Variants in TNRC6A observed in about 807,000 individuals in gnomAD.
TNRC6A encodes trinucleotide repeat-containing gene 6A protein.
A neutral mutation model predicts 221.2 loss-of-function variants in TNRC6A; 44 were observed. The observed-to-expected ratio is 0.20, with a 90% CI of 0.16 to 0.26. The LOEUF is 0.26. Among genes scored for constraint, TNRC6A ranks in the 10% least tolerant of loss-of-function variants. The pLI, the probability that TNRC6A is intolerant of heterozygous loss-of-function variation, is 1.00. For synonymous variants in TNRC6A, 847 were observed against 838.5 expected, an observed-to-expected ratio of 1.01 and a Z score of -0.18; for missense variants, 2,199 against 2,404.4, an observed-to-expected ratio of 0.91 and a Z score of 1.79.
intron 2 of TNRC6A, among the ~76,000 whole-genome samples, chr16:24,672,276 C>T (rs1235491528): frequency 6.6e-6 from 1 of 152,060 alleles, no homozygotes; most frequent in Non-Finnish European, 1.5e-5. Context: ...CGCACGCCGC[C>T]ACGCCTGGCT....
chr16:24,629,806 A>G (rs1416993140), intron 1 of TNRC6A, among the ~76,000 whole-genome samples: 1 of 151,944 alleles, frequency 6.6e-6, no homozygotes, highest in Non-Finnish European at 1.5e-5. Context: ...CTGACTCTAT[A>G]AAAAAGTACA....
intron 4 of TNRC6A, among the ~76,000 whole-genome samples, chr16:24,759,442 G>A (rs992304481): frequency 1.1e-4 from 16 of 152,152 alleles, no homozygotes; most frequent in African/African-American, 3.9e-4. Flanking sequence ...GGAAAGTATT[G>A]GTTGGAAGAC....
At chr16:24,771,611 T>TATGTTATGTG (rs1567449653) in intron 4 of TNRC6A, among the ~76,000 whole-genome samples, 18 of 143,876 alleles carry the variant, frequency 1.3e-4, no homozygotes, top group Non-Finnish European at 2.4e-4. Context: ...TATGTTATGT[T>TATGTTATGTG]ATGTTATGTT....
In TNRC6A at chr16:24,789,546, A is replaced by G; in HGVS notation, c.904A>G (p.Asn302Asp). 1 of 1,614,170 alleles carries G rather than the reference A, an allele frequency of 6.2e-7. No homozygotes were observed. The highest frequency in any genetic ancestry group is 1.3e-5 in the African/African-American group (1 of 75,060). Residue 302 changes from asparagine to aspartate, a missense_variant, in exon 6 of 25, where the codon AAT (asparagine) becomes GAT (aspartate). Coordinates refer to ENST00000395799, the MANE Select transcript of TNRC6A (RefSeq NM_014494.4). ...CAAGTTTGTAGTTGGTAGCAGCAGC[A>G]ATAATGTGGGCCATGGAAGTAGTAC... is the stretch of plus-strand genomic sequence containing the variant. ...QNKFVVGSSS[N>D]NVGHGSSTGP...
Position 24,771,582 on chromosome 16 carries a change from T to TTATGTTATGTTA in TNRC6A, c.164-5350_164-5349insATGTTATGTTAT. Among the ~76,000 whole-genome samples the TTATGTTATGTTA allele has an allele frequency of 6.0e-3, 573 of 95,444 alleles. 22 individuals are homozygous for TTATGTTATGTTA. The East Asian group carries it at 0.064, about 11-fold the overall frequency. 62.6% of individuals were successfully genotyped at this position (95,444 alleles called of 152,430 possible). ...ATGTTTTATGTTATGTTATGTTATG[T>TTATGTTATGTTA]TGTTATGTTATGTTATGTTATGTTA... On this transcript the variant is annotated intron_variant, in intron 4 of 24. Coordinates refer to ENST00000395799, the MANE Select transcript of TNRC6A (RefSeq NM_014494.4).
intron 17 of TNRC6A, among the ~76,000 whole-genome samples, chr16:24,808,610 C>T (rs183358394): frequency 2.0e-5 from 3 of 152,324 alleles, no homozygotes; most frequent in East Asian, 1.9e-4. Context: ...TGCAAAAATA[C>T]GCATGGTATT....
intron 2 of TNRC6A, 111 bp from the exon 3 acceptor site, chr16:24,750,615 A>C: frequency 8.0e-7 from 1 of 1,254,990 alleles, no homozygotes; most frequent in Non-Finnish European, 1.1e-6. Context: ...ATAAAATAAT[A>C]ATTTGCCATG....
In TNRC6A at chr16:24,713,443, AACAAAC is replaced by A. The variant is rs1442581879; in HGVS notation, n.403-37281_403-37276del. Among the ~76,000 whole-genome samples the A allele has an allele frequency of 2.5e-4, 30 of 121,034 alleles. 1 individual carries two copies. Among genetic ancestry groups the A allele is most frequent in the Admixed American group, 6.6e-4 (7 of 10,582 alleles). The allele number at this position is 121,034 out of a possible 152,430, so 79.4% of individuals were successfully genotyped here. Reference sequence around the variant, plus strand: ...AAACAAACAAACAAACAAACAAACAAACAAACAAAAAAATATATATATATATATGTT... The same window carrying A: ...AAACAAACAAACAAACAAACAAACAAAAAAAAATATATATATATATATGTT... On this transcript the variant is annotated intron_variant and non_coding_transcript_variant, in intron 2 of 2. Coordinates refer to the TNRC6A transcript ENST00000566108.
chr16:24,654,011 C>T (rs1240156150), intron 2 of TNRC6A, among the ~76,000 whole-genome samples: 6 of 152,098 alleles, frequency 3.9e-5, no homozygotes, highest in African/African-American at 1.4e-4. Flanking sequence ...ATCAAGTGAT[C>T]CTTTCACCTC....
rs377599716 is a variant in TNRC6A, at chr16:24,804,300, G to T, written c.3818G>T (p.Arg1273Leu). ...PQISKESSMERNPYFDKDGIV... is the reference protein window; with the variant it reads ...PQISKESSMELNPYFDKDGIV... ...ATTTCCAAAGAGTCTTCCATGGAGCGCAATCCTTATTTTGATAAGGTAAGG... is the reference window on the plus strand; with the variant it reads ...ATTTCCAAAGAGTCTTCCATGGAGCTCAATCCTTATTTTGATAAGGTAAGG... Residue 1273 changes from arginine (R) to leucine (L), a missense_variant, in exon 12 of 25, where the codon CGC becomes CTC. Arg to Leu is a moderately radical substitution (Grantham distance 102). This residue lies in a region of TNRC6A where 158 missense variants were observed against 159.1 expected (regional missense o/e 0.99). Coordinates refer to ENST00000395799, the MANE Select transcript of TNRC6A (RefSeq NM_014494.4). The T allele has an allele frequency of 6.2e-7, 1 of 1,612,456 alleles. No homozygotes were observed. Among genetic ancestry groups the T allele is most frequent in the Non-Finnish European group, 8.5e-7 (1 of 1,179,742 alleles).
Position 24,791,759 on chromosome 16 carries a change from A to C in TNRC6A, c.3117A>C (p.Val1039=). ...GNSRSDQQAQ[V]HQLLTPASAI... is the part of the protein sequence containing the mutation. Reference sequence around the variant, plus strand: ...GCCGTTCAGACCAGCAAGCACAGGTACATCAGCTGCTAACGCCTGCAAGTG... The same window carrying C: ...GCCGTTCAGACCAGCAAGCACAGGTCCATCAGCTGCTAACGCCTGCAAGTG... The change falls in exon 6 of 25, where the codon GTA becomes GTC. Residue 1039 remains valine, a synonymous_variant. Transcript: ENST00000395799. 1 of 1,600,504 alleles carries C rather than the reference A, an allele frequency of 6.2e-7. No homozygotes were observed. The highest frequency in any genetic ancestry group is 1.8e-5 in the Admixed American group (1 of 56,606).
intron 2 of TNRC6A, among the ~76,000 whole-genome samples, chr16:24,672,161 A>G (rs554860942): frequency 7.2e-5 from 11 of 152,214 alleles, no homozygotes; most frequent in African/African-American, 2.2e-4. Context: ...TTGCTATGTC[A>G]CCCAGGCTAG....
intron 2 of TNRC6A, among the ~76,000 whole-genome samples, chr16:24,655,253 A>T (rs1336916914): frequency 6.6e-6 from 1 of 152,146 alleles, no homozygotes; most frequent in Non-Finnish European, 1.5e-5. Flanking sequence ...CAAAAAAAAA[A>T]TTTGAAAGGC....
intron 2 of TNRC6A, among the ~76,000 whole-genome samples, chr16:24,677,403 T>C (rs1380917694): frequency 6.6e-6 from 1 of 152,100 alleles, no homozygotes; most frequent in Non-Finnish European, 1.5e-5. Flanking sequence ...CCTCAAGTGA[T>C]CCGCCCACCT....
chr16:24,745,728 A>G (rs200530), intron 2 of TNRC6A, among the ~76,000 whole-genome samples: 1 of 151,332 alleles, frequency 6.6e-6, no homozygotes, highest in East Asian at 1.9e-4. Flanking sequence ...TGCAGCCTCC[A>G]ACTCCTAGGC....
intron 1 of TNRC6A, among the ~76,000 whole-genome samples, chr16:24,638,287 AC>A (rs1251612410): frequency 1.3e-5 from 2 of 152,102 alleles, no homozygotes; most frequent in Admixed American, 1.3e-4. Context: ...GCGTGATGGC[AC>A]ATGCCTGTAG....
At chr16:24,804,034 A>G (rs2058379589) in intron 11 of TNRC6A, 143 bp from the exon 12 acceptor site, 1 of 759,746 alleles carries the variant, frequency 1.3e-6, no homozygotes, top group Non-Finnish European at 2.0e-6. Flanking sequence ...AAAATTTATG[A>G]AATGGAAGTG....
At chr16:24,636,179 T>C (rs1454037117) in intron 1 of TNRC6A, among the ~76,000 whole-genome samples, 1 of 152,252 alleles carries the variant, frequency 6.6e-6, no homozygotes, top group African/African-American at 2.4e-5. Flanking sequence ...GGATTCTTTC[T>C]TAATGCCTTT....
intron 2 of TNRC6A, among the ~76,000 whole-genome samples, chr16:24,702,530 C>A (rs906641499): frequency 6.6e-6 from 1 of 152,130 alleles, no homozygotes; most frequent in African/African-American, 2.4e-5. Flanking sequence ...TAAGCTATTG[C>A]AGATTAGATT....
Sources: gnomAD v4.1 joint callset for allele counts (sites outside exome capture counted in the v4.1 genomes callset) on GRCh38, gnomAD v4.1.1 for gene constraint, gnomAD v4.1.1 regional missense constraint, MANE v1.5 for transcripts, NCBI Gene and HGNC (gene_info 2026-07-23, HGNC 2026-07-21) for gene names.